Variants in ARHGEF10 observed in about 807,000 individuals in gnomAD.
ARHGEF10 encodes Rho guanine nucleotide exchange factor 10.
A neutral mutation model predicts 147.4 loss-of-function variants in ARHGEF10; 140 were observed. The observed-to-expected ratio is 0.95, with a 90% CI of 0.83 to 1.09. ARHGEF10 has a LOEUF of 1.09. Ranked by LOEUF, ARHGEF10 falls within the 50% of genes least tolerant of loss-of-function variation. ARHGEF10 has a pLI of 0.00. For missense variants in ARHGEF10, 2,222 were observed against 1,752.7 expected (o/e 1.27, Z -4.78); for synonymous variants, 902 against 695.8 (o/e 1.30, Z -4.67).
At chr8:1,930,658 G>A (rs796607323) in intron 25 of ARHGEF10, among the ~76,000 whole-genome samples, 5 of 152,264 alleles carry the variant, frequency 3.3e-5, no homozygotes, top group African/African-American at 1.2e-4. Context: ...TTAGAAATCT[G>A]CGCCAGCCCC....
upstream of ARHGEF10, among the ~76,000 whole-genome samples, chr8:1,823,764 C>A (rs1802551485): frequency 6.6e-6 from 1 of 151,702 alleles, no homozygotes; most frequent in Non-Finnish European, 1.5e-5. Flanking sequence ...GGGCGTTGGG[C>A]AGCGGGAGGG....
chr8:1,909,069 C>T (rs1811144018), intron 17 of ARHGEF10, among the ~76,000 whole-genome samples: 1 of 152,206 alleles, frequency 6.6e-6, no homozygotes, highest in South Asian at 2.1e-4. Flanking sequence ...AGATCCGTCC[C>T]CTGTGCGGCT....
intron 7 of ARHGEF10, chr8:1,876,232 G>A: frequency 5.6e-6 from 2 of 354,798 alleles, no homozygotes; most frequent in East Asian, 6.2e-5. Context: ...TATAAAGGAA[G>A]ATTTTTCTTC....
chr8:1,867,859 T>A (rs1345077624), intron 6 of ARHGEF10, among the ~76,000 whole-genome samples: 1 of 152,240 alleles, frequency 6.6e-6, no homozygotes, highest in Non-Finnish European at 1.5e-5. Context: ...TCCTGGAAGT[T>A]TTCATTCTGG....
At chr8:1,861,788 G>A (rs1208492853) in intron 4 of ARHGEF10, among the ~76,000 whole-genome samples, 1 of 152,186 alleles carries the variant, frequency 6.6e-6, no homozygotes, top group Non-Finnish European at 1.5e-5. Flanking sequence ...TTGTCACTCT[G>A]TGACCGCGGA....
chr8:1,860,319 C>A lies in ARHGEF10; in HGVS notation c.481+135C>A, dbSNP rs578089918. 3.6e-5 allele frequency: 44 copies of A among 1,223,244 alleles called. No homozygotes were observed. In the South Asian group the frequency reaches 5.2e-4, roughly 14 times the overall value. The allele number at this position is 1,223,244 out of a possible 1,614,324, so 75.8% of individuals were successfully genotyped here. A position where few individuals can be genotyped will look rare whatever the true frequency, so the allele number is the denominator to read the frequency against. On this transcript the variant is annotated intron_variant, in intron 4 of 28. Coordinates refer to ENST00000349830, the MANE Select transcript of ARHGEF10 (RefSeq NM_014629.4). ...TGGTTCCGTAGAGTCCGGGCCTGACCTTCCCCCCTCCTCCTCCTCTCCATG... is the reference window on the plus strand; with the variant it reads ...TGGTTCCGTAGAGTCCGGGCCTGACATTCCCCCCTCCTCCTCCTCTCCATG...
chr8:1,870,201 C>T (rs1806988959), intron 7 of ARHGEF10: 1 of 143,478 alleles, frequency 7.0e-6, no homozygotes, highest in Non-Finnish European at 1.5e-5. Context: ...GTTCTGAAGT[C>T]GGCATTTTTC....
At chr8:1,919,541 G>C (rs192877434) in intron 18 of ARHGEF10, among the ~76,000 whole-genome samples, 2 of 147,318 alleles carry the variant, frequency 1.4e-5, no homozygotes, top group African/African-American at 5.0e-5. Flanking sequence ...CTGTTCTGTC[G>C]AGTGATGGAG....
chr8:1,923,914 G>C (rs145687771), intron 21 of ARHGEF10, 40 bp downstream of exon 21: 1 of 1,584,468 alleles, frequency 6.3e-7, no homozygotes, highest in East Asian at 2.2e-5. Flanking sequence ...GGCATGCGGC[G>C]TGATGATGAA....
intron 23 of ARHGEF10, chr8:1,927,075 C>G (rs1812748883): frequency 6.1e-6 from 1 of 164,856 alleles, no homozygotes; most frequent in Non-Finnish European, 1.3e-5. Context: ...CTGCCTCTCA[C>G]TTCTCACATC....
chr8:1,927,798 G>A (rs191681175), intron 23 of ARHGEF10, among the ~76,000 whole-genome samples: 116 of 152,196 alleles, frequency 7.6e-4, no homozygotes, highest in Non-Finnish European at 1.5e-3. Flanking sequence ...AAAATTAGCC[G>A]GATGTGGTGG....
At chr8:1,846,351 G>C (rs1432004604) in intron 2 of ARHGEF10, among the ~76,000 whole-genome samples, 1 of 152,204 alleles carries the variant, frequency 6.6e-6, no homozygotes, top group Non-Finnish European at 1.5e-5. Flanking sequence ...TAATGGCCTG[G>C]TGTCTTTTCT....
Position 1,945,519 on chromosome 8 carries a change from C to T in ARHGEF10, c.3261C>T (p.Ile1087=), listed in dbSNP as rs1563324543. ...CCCACCAGGAGGAAGGCATGGTGAT[C>T]TCCCACATGGCCGTGTCCGGCGTCG... is the stretch of plus-strand genomic sequence containing the variant. The part of the protein sequence containing the change: ...LEAHQEEGMV[I]SHMAVSGVGI... The change falls in exon 27 of 29, where the codon ATC becomes ATT. Residue 1087 remains isoleucine, a synonymous_variant. Transcript: ENST00000349830. The T allele has an allele frequency of 6.2e-7, 1 of 1,612,910 alleles. No individual in the cohort carries two copies. Among genetic ancestry groups the T allele is most frequent in the East Asian group, 2.2e-5 (1 of 44,810 alleles).
At chr8:1,824,523 A>G (rs1367991205) in intron 1 of ARHGEF10, among the ~76,000 whole-genome samples, 2 of 151,684 alleles carry the variant, frequency 1.3e-5, no homozygotes, top group Non-Finnish European at 2.9e-5. Flanking sequence ...CGGTGTAAGG[A>G]AAGCCGGCGT....
chr8:1,957,218 G>A lies in ARHGEF10; in HGVS notation c.3990G>A (p.Leu1330=), dbSNP rs764451694. 1 of 1,612,030 alleles carries A rather than the reference G, an allele frequency of 6.2e-7. No individual in the cohort carries two copies. Among genetic ancestry groups the A allele is most frequent in the Non-Finnish European group, 8.5e-7 (1 of 1,179,928 alleles). The part of the protein sequence containing the change: ...RKARQPHQEE[L]APTVMVWQIP... ...CCCGGCAGCCCCACCAGGAAGAGCT[G>A]GCGCCGACCGTCATGGTCTGGCAGA... The change falls in exon 29 of 29, where the codon CTG becomes CTA. Residue 1330 remains leucine (L), a synonymous_variant. Transcript: ENST00000349830.
At chr8:1,856,253 A>C (rs974962366) in intron 2 of ARHGEF10, among the ~76,000 whole-genome samples, 5 of 152,184 alleles carry the variant, frequency 3.3e-5, no homozygotes, top group Non-Finnish European at 5.9e-5. Flanking sequence ...ATTCAATTTT[A>C]GTATTTGTCA....
chr8:1,907,914 C>A (rs1200801821), intron 17 of ARHGEF10, among the ~76,000 whole-genome samples: 1 of 152,166 alleles, frequency 6.6e-6, no homozygotes, highest in African/African-American at 2.4e-5. Flanking sequence ...TTCTAAACCT[C>A]CTCTGTAGGG....
At chr8:1,919,462 G>A (rs945990857) in intron 18 of ARHGEF10, among the ~76,000 whole-genome samples, 2 of 145,692 alleles carry the variant, frequency 1.4e-5, no homozygotes, top group Admixed American at 6.7e-5. Context: ...TGTTCCATGG[G>A]TGATGGAGCT....
chr8:1,864,502 G>T lies in ARHGEF10; in HGVS notation c.545+66G>T, dbSNP rs986761574. ...TTTCTCCTGAGGAGCTGGACGTGGG[G>T]ATCCTGGTGTGTGTCCCTGCCCGCC... On this transcript the variant is annotated intron_variant, in intron 5 of 28. Coordinates refer to ENST00000349830, the MANE Select transcript of ARHGEF10 (RefSeq NM_014629.4). 7 of 1,527,490 alleles carry T rather than the reference G, an allele frequency of 4.6e-6. No homozygotes were observed. The African/African-American group carries it at 5.5e-5, about 12-fold the overall frequency. 94.6% of individuals were successfully genotyped at this position (1,527,490 alleles called of 1,614,324 possible). A position where few individuals can be genotyped will look rare whatever the true frequency, so the allele number is the denominator to read the frequency against.
Sources: gnomAD v4.1 joint callset for allele counts (sites outside exome capture counted in the v4.1 genomes callset) on GRCh38, gnomAD v4.1.1 for gene constraint, MANE v1.5 for transcripts, NCBI Gene and HGNC (gene_info 2026-07-23, HGNC 2026-07-21) for gene names.